The following TMEM163 variants were observed in gnomAD, a reference collection of about 807,000 sequenced individuals.
The protein encoded by TMEM163 is transmembrane protein 163.
TMEM163 carries 17 observed loss-of-function variants against 29.3 expected under a neutral mutation model. The ratio of observed to expected loss-of-function variants is 0.58; its 90% CI spans 0.40 to 0.87. The LOEUF (loss-of-function observed/expected upper bound fraction) is 0.87. Ranked by LOEUF, TMEM163 falls within the 40% of genes least tolerant of loss-of-function variation. The pLI is 0.00. For missense variants in TMEM163, 303 were observed against 381.5 expected, an observed-to-expected ratio of 0.79 and a Z score of 1.71; for synonymous variants, 157 against 160.6, an observed-to-expected ratio of 0.98 and a Z score of 0.17.
intron 2 of TMEM163, among the ~76,000 whole-genome samples, chr2:134,694,465 G>A (rs1265631752): frequency 6.6e-6 from 1 of 152,154 alleles, no homozygotes; most frequent in Non-Finnish European, 1.5e-5. Context: ...TCACTTAAAG[G>A]TACTGAGATT....
At chr2:134,638,448 C>T (rs1001252965) in intron 2 of TMEM163, among the ~76,000 whole-genome samples, 2 of 152,114 alleles carry the variant, frequency 1.3e-5, no homozygotes, top group Non-Finnish European at 2.9e-5. Flanking sequence ...GAAAAGGGGG[C>T]TGGCAGGATC....
intron 4 of TMEM163, among the ~76,000 whole-genome samples, chr2:134,543,545 T>C (rs553087487): frequency 4.4e-4 from 67 of 152,348 alleles, no homozygotes; most frequent in Non-Finnish European, 9.4e-4. Flanking sequence ...ACTGTTTTAA[T>C]ATGTTCTTGG....
chr2:134,640,205 C>T (rs1011082861), intron 2 of TMEM163, among the ~76,000 whole-genome samples: 2 of 152,104 alleles, frequency 1.3e-5, no homozygotes, highest in African/African-American at 4.8e-5. Context: ...CCATGCTGTG[C>T]GACATCTGTG....
At chr2:134,590,121 C>CT (rs35314489) in intron 2 of TMEM163, among the ~76,000 whole-genome samples, 6,615 of 147,792 alleles carry the variant, frequency 0.045, 485 homozygotes, top group African/African-American at 0.15. Context: ...CCAACTGATT[C>CT]TTTTTTTTTT....
intron 2 of TMEM163, among the ~76,000 whole-genome samples, chr2:134,685,758 A>C (rs998481616): frequency 2.0e-5 from 3 of 152,184 alleles, no homozygotes; most frequent in African/African-American, 7.2e-5. Flanking sequence ...ACATACAATC[A>C]TCATTAAACC....
intron 2 of TMEM163, among the ~76,000 whole-genome samples, chr2:134,624,201 T>C (rs1052846147): frequency 1.3e-5 from 2 of 152,202 alleles, no homozygotes; most frequent in Non-Finnish European, 2.9e-5. Context: ...GTTCTGCTAA[T>C]ATGAAGGAAT....
At chr2:134,473,472 T>C (rs1574158480) in intron 5 of TMEM163, among the ~76,000 whole-genome samples, 1 of 150,464 alleles carries the variant, frequency 6.6e-6, no homozygotes, top group African/African-American at 2.5e-5. Flanking sequence ...GAGGCAGAGG[T>C]TGCAGTGACC....
chr2:134,505,048 A>G (rs1162443631), intron 4 of TMEM163, among the ~76,000 whole-genome samples: 3 of 152,112 alleles, frequency 2.0e-5, no homozygotes, highest in African/African-American at 7.2e-5. Flanking sequence ...GAGAGGTCCC[A>G]TTACAGGAGA....
At chr2:134,545,319 A>G (rs961826835) in intron 4 of TMEM163, among the ~76,000 whole-genome samples, 1 of 152,004 alleles carries the variant, frequency 6.6e-6, no homozygotes, top group East Asian at 1.9e-4. Flanking sequence ...CAGTCTCCAC[A>G]TCCTCAAACT....
chr2:134,571,303 GT>G (rs1248608365), intron 2 of TMEM163, among the ~76,000 whole-genome samples: 1 of 152,170 alleles, frequency 6.6e-6, no homozygotes, highest in Non-Finnish European at 1.5e-5. Flanking sequence ...TCTTGCTTGT[GT>G]TTCTCACAAT....
At chr2:134,647,391 G>A (rs981874119) in intron 2 of TMEM163, among the ~76,000 whole-genome samples, 3 of 152,112 alleles carry the variant, frequency 2.0e-5, no homozygotes, top group African/African-American at 4.8e-5. Flanking sequence ...TCTCAAAAGC[G>A]CCTGGAAGCA....
chr2:134,674,376 G>A (rs535460429), intron 2 of TMEM163, among the ~76,000 whole-genome samples: 18 of 126,910 alleles, frequency 1.4e-4, no homozygotes, highest in Non-Finnish European at 2.2e-4. Context: ...ACAGAGTATC[G>A]CTCTGTCACC....
intron 2 of TMEM163, among the ~76,000 whole-genome samples, chr2:134,558,481 C>T (rs1681096081): frequency 6.6e-6 from 1 of 152,176 alleles, no homozygotes; most frequent in Non-Finnish European, 1.5e-5. Context: ...GGCCAGAAAG[C>T]ATATCAGCTG....
chr2:134,562,714 G>A (rs139386096), intron 2 of TMEM163, among the ~76,000 whole-genome samples: 3 of 152,284 alleles, frequency 2.0e-5, no homozygotes, highest in South Asian at 2.1e-4. Context: ...GAAGATTAAC[G>A]TGATCACTCA....
At chr2:134,628,421 G>A (rs1682899118) in intron 2 of TMEM163, among the ~76,000 whole-genome samples, 1 of 152,248 alleles carries the variant, frequency 6.6e-6, no homozygotes, top group Non-Finnish European at 1.5e-5. Context: ...TCTGGTAAGA[G>A]CACTTTCATA....
intron 1 of TMEM163, among the ~76,000 whole-genome samples, chr2:134,716,441 T>C (rs1042650887): frequency 2.0e-5 from 3 of 152,228 alleles, no homozygotes; most frequent in African/African-American, 7.2e-5. Flanking sequence ...AAACCTTTGA[T>C]GAGAGTTAAC....
At chr2:134,525,330 G>A (rs914922752) in intron 4 of TMEM163, among the ~76,000 whole-genome samples, 16 of 152,216 alleles carry the variant, frequency 1.1e-4, no homozygotes, top group African/African-American at 3.6e-4. Context: ...CAAGCCCTCA[G>A]CAGATTCTGA....
rs1686495577 is a variant in TMEM163, at chr2:134,459,949, C to T, written c.668-1776G>A. Among the ~76,000 whole-genome samples the T allele has an allele frequency of 2.0e-5, 3 of 152,150 alleles. 1 individual carries two copies. Among genetic ancestry groups the T allele is most frequent in the Admixed American group, 2.0e-4 (3 of 15,288 alleles). Reference sequence around the variant, plus strand: ...GACTGACCACAGCCATGACAAAGCCCTGAGCGCCACCTCGCCCTCCGCTGC... The same window carrying T: ...GACTGACCACAGCCATGACAAAGCCTTGAGCGCCACCTCGCCCTCCGCTGC... On this transcript the variant is annotated intron_variant, in intron 6 of 7. Coordinates refer to ENST00000281924, the MANE Select transcript of TMEM163 (RefSeq NM_030923.5).
At chr2:134,515,400 T>C (rs1375867632) in intron 4 of TMEM163, among the ~76,000 whole-genome samples, 1 of 152,226 alleles carries the variant, frequency 6.6e-6, no homozygotes, top group Non-Finnish European at 1.5e-5. Flanking sequence ...AATTAAATCT[T>C]TTATTTATTT....
Sources: gnomAD v4.1 joint callset for allele counts (sites outside exome capture counted in the v4.1 genomes callset) on GRCh38, gnomAD v4.1.1 for gene constraint, MANE v1.5 for transcripts, NCBI Gene and HGNC (gene_info 2026-07-23, HGNC 2026-07-21) for gene names.